DAB1: variants seen among roughly 807,000 people sequenced by gnomAD.
The protein encoded by DAB1 is disabled homolog 1.
Under a neutral mutation model 64.6 loss-of-function variants are expected in DAB1, and 15 were observed. The observed-to-expected ratio is 0.23, with a 90% CI of 0.16 to 0.36. DAB1 has a LOEUF of 0.36. Among genes scored for constraint, DAB1 ranks in the 10% least tolerant of loss-of-function variants. DAB1 has a pLI of 1.00. For synonymous variants in DAB1, 235 were observed against 251.9 expected (o/e 0.93, Z 0.64); for missense variants, 596 against 706.7 (o/e 0.84, Z 1.78).
At chr1:57,874,103 T>C (rs1644001942) in intron 1 of DAB1, 1 of 152,116 alleles carries the variant, frequency 6.6e-6, no homozygotes, top group Admixed American at 6.5e-5. Flanking sequence ...AGGATTCAGA[T>C]GGGACTGCTG....
rs948884241 is a variant in DAB1, at chr1:58,529,089, A to G, written n.33-1754T>C. On this transcript the variant is annotated intron_variant and non_coding_transcript_variant, in intron 1 of 20. Coordinates refer to the DAB1 transcript ENST00000485760. The stretch of plus-strand genomic sequence containing the variant: ...CAGTGACAGAAACAAAATTCAAAAT[A>G]TGAGATCCTACAACCTAAGGAATAA... Among the ~76,000 whole-genome samples, 39 of 152,354 alleles carry G rather than the reference A, an allele frequency of 2.6e-4. 1 individual carries two copies. The highest frequency in any genetic ancestry group is 3.4e-3 in the Middle Eastern group (1 of 294).
Position 57,287,766 on chromosome 1 carries a change from G to A in DAB1, c.67+3198C>T, listed in dbSNP as rs569636286. ...AATGAATTAATGCTGTTACCAGCAC[G>A]TTTTCTCTCTCTTTTATTTATTTAT... On this transcript the variant is annotated intron_variant, in intron 2 of 14. Transcript: ENST00000371236. 3.0e-4 allele frequency among the ~76,000 whole-genome samples: 32 copies of A among 108,188 alleles called. No homozygotes were observed. The South Asian group carries it at 4.7e-3, about 16-fold the overall frequency. 71.0% of individuals were successfully genotyped at this position (108,188 alleles called of 152,430 possible).
chr1:58,208,920 G>A (rs547221515), intron 4 of DAB1, among the ~76,000 whole-genome samples: 1 of 152,042 alleles, frequency 6.6e-6, no homozygotes, highest in East Asian at 1.9e-4. Context: ...CCCCTAAAAC[G>A]ACTCATTAAA....
chr1:57,762,337 A>G (rs111918135), intron 6 of DAB1, among the ~76,000 whole-genome samples: 100 of 152,212 alleles, frequency 6.6e-4, no homozygotes, highest in Admixed American at 1.8e-3. Context: ...AGAAAAGGGT[A>G]TAAAACTTTA....
chr1:57,828,564 G>GA (rs1409438609), intron 1 of DAB1, among the ~76,000 whole-genome samples: 7 of 151,940 alleles, frequency 4.6e-5, no homozygotes, highest in Non-Finnish European at 8.8e-5. Context: ...TCAAGTCAAG[G>GA]AAAAAAATGA....
chr1:57,826,122 CAG>C (rs1481196234), exon 2 of DAB1: 41 of 152,318 alleles, frequency 2.7e-4, no homozygotes, highest in African/African-American at 8.9e-4. Flanking sequence ...AAGAAGGAAA[CAG>C]AGAACCAATC....
rs115670589 is a variant in DAB1, at chr1:57,045,847, C to T, written c.723+17037G>A. On this transcript the variant is annotated intron_variant, in intron 9 of 14. Coordinates refer to ENST00000371236, the MANE Select transcript of DAB1 (RefSeq NM_001365792.1). ...GGAGAGAAACATAACGATATGCTGA[C>T]AGAACTTCTATGATAGGCAGGAAGA... is the stretch of plus-strand genomic sequence containing the variant. 1.6e-3 allele frequency among the ~76,000 whole-genome samples: 243 copies of T among 152,178 alleles called. 2 individuals carry two copies. Among genetic ancestry groups the T allele is most frequent in the African/African-American group, 5.5e-3 (230 of 41,500 alleles).
intron 7 of DAB1, among the ~76,000 whole-genome samples, chr1:57,599,028 T>A (rs1269814534): frequency 6.6e-6 from 1 of 152,052 alleles, no homozygotes; most frequent in East Asian, 1.9e-4. Flanking sequence ...CCTCCAGGCA[T>A]GTTTTTATTT....
chr1:57,086,443 G>A (rs936470678), intron 4 of DAB1, among the ~76,000 whole-genome samples: 15 of 152,104 alleles, frequency 9.9e-5, no homozygotes, highest in African/African-American at 3.4e-4. Context: ...GCTGCAGCTG[G>A]ACTTGAGCAA....
chr1:58,056,537 C>T (rs1290128034), intron 5 of DAB1: 2 of 936,552 alleles, frequency 2.1e-6, no homozygotes, highest in East Asian at 2.4e-5. Context: ...GGTTATGTCA[C>T]CTTGCTCATC....
intron 3 of DAB1, among the ~76,000 whole-genome samples, chr1:58,381,797 G>A (rs911932180): frequency 6.6e-6 from 1 of 152,134 alleles, no homozygotes. Flanking sequence ...GTGGGCAGTT[G>A]GACAATACAA....
chr1:57,548,373 T>G (rs1371945094), intron 7 of DAB1, among the ~76,000 whole-genome samples: 2 of 152,170 alleles, frequency 1.3e-5, no homozygotes, highest in East Asian at 3.9e-4. Context: ...TTAAATCCCA[T>G]GACAGCGTTC....
chr1:57,810,795 C>T (rs1651582754), intron 6 of DAB1, among the ~76,000 whole-genome samples: 1 of 152,224 alleles, frequency 6.6e-6, no homozygotes, highest in Non-Finnish European at 1.5e-5. Flanking sequence ...TATTAGCTTT[C>T]TATTGCTGCT....
At chr1:57,363,222 A>T (rs1347288687) in intron 1 of DAB1, among the ~76,000 whole-genome samples, 1 of 152,152 alleles carries the variant, frequency 6.6e-6, no homozygotes, top group Non-Finnish European at 1.5e-5. Flanking sequence ...GGTGGTTCTT[A>T]AACTTTTGGG....
chr1:57,695,343 A>G (rs1312877211), intron 6 of DAB1, among the ~76,000 whole-genome samples: 1 of 123,704 alleles, frequency 8.1e-6, no homozygotes, highest in African/African-American at 3.0e-5. Flanking sequence ...AAAGAAAGAA[A>G]GAAAGAAAGA....
intron 1 of DAB1, among the ~76,000 whole-genome samples, chr1:57,845,645 G>A (rs1653246729): frequency 6.6e-6 from 1 of 152,180 alleles, no homozygotes; most frequent in South Asian, 2.1e-4. Flanking sequence ...CGACATTAAA[G>A]AATGTGAGAG....
At chr1:57,402,556 C>T (rs561664632) in intron 1 of DAB1, among the ~76,000 whole-genome samples, 1 of 152,266 alleles carries the variant, frequency 6.6e-6, no homozygotes, top group Non-Finnish European at 1.5e-5. Context: ...TACCTGATTC[C>T]TAGATTATCT....
chr1:57,303,506 C>T (rs901452605), intron 1 of DAB1, among the ~76,000 whole-genome samples: 1 of 152,058 alleles, frequency 6.6e-6, no homozygotes, highest in Non-Finnish European at 1.5e-5. Context: ...GTCTCTCTTT[C>T]AAGAATTTGA....
At chr1:58,400,668 C>T (rs370019181) in intron 3 of DAB1, among the ~76,000 whole-genome samples, 2 of 152,048 alleles carry the variant, frequency 1.3e-5, no homozygotes, top group African/African-American at 2.4e-5. Context: ...AACTCTTAAC[C>T]GTTACACAAA....
Sources: allele counts gnomAD v4.1 joint callset (sites outside exome capture counted in the v4.1 genomes callset), GRCh38; gene constraint gnomAD v4.1.1; transcripts MANE v1.5; gene names NCBI Gene and HGNC (gene_info 2026-07-23, HGNC 2026-07-21).